DHX57: variants seen among roughly 807,000 people sequenced by gnomAD.
DHX57 encodes the protein putative ATP-dependent RNA helicase DHX57.
Under a neutral mutation model 156.2 loss-of-function variants are expected in DHX57, and 105 were observed. The ratio of observed to expected loss-of-function variants is 0.67; its 90% CI spans 0.57 to 0.79. DHX57 has a LOEUF of 0.79. DHX57 is among the 30% of genes least tolerant of loss of function. The pLI is 0.00. For synonymous variants in DHX57, 704 were observed against 595.6 expected (o/e 1.18, Z -2.65); for missense variants, 1,847 against 1,661.9 (o/e 1.11, Z -1.94).
chr2:38,841,249 C>T (rs538185338), intron 12 of DHX57, among the ~76,000 whole-genome samples: 1 of 152,192 alleles, frequency 6.6e-6, no homozygotes, highest in Non-Finnish European at 1.5e-5. Context: ...TGGATCTGCA[C>T]TTACTAGCTG....
intron 9 of DHX57, among the ~76,000 whole-genome samples, chr2:38,850,448 G>A (rs1382554997): frequency 6.6e-6 from 1 of 151,964 alleles, no homozygotes; most frequent in East Asian, 1.9e-4. Context: ...TTATAGTAGA[G>A]ATGGTGTCTC....
At chr2:38,832,776 G>A (rs1179385046) in intron 13 of DHX57, among the ~76,000 whole-genome samples, 1 of 151,868 alleles carries the variant, frequency 6.6e-6, no homozygotes, top group East Asian at 1.9e-4. Context: ...GACTTTAGGT[G>A]ATCCACCCAC....
At chr2:38,865,211 T>C (rs900619441) in intron 2 of DHX57, among the ~76,000 whole-genome samples, 4 of 152,220 alleles carry the variant, frequency 2.6e-5, no homozygotes, top group African/African-American at 9.6e-5. Flanking sequence ...AAGTCAAATC[T>C]CATCTTCAAT....
chr2:38,851,586 T>A (rs1475187914), intron 9 of DHX57, among the ~76,000 whole-genome samples: 2 of 152,278 alleles, frequency 1.3e-5, no homozygotes, highest in East Asian at 3.9e-4. Flanking sequence ...GATGTGAACA[T>A]CTTTTGAATT....
Position 38,813,822 on chromosome 2 carries a change from T to G in DHX57, c.3680A>C (p.Gln1227Pro), listed in dbSNP as rs1361614353. 5 of 1,613,574 alleles carry G rather than the reference T, an allele frequency of 3.1e-6. No individual in the cohort carries two copies. The highest frequency in any genetic ancestry group is 1.7e-4 in the Middle Eastern group (1 of 6,060). The stretch of plus-strand genomic sequence containing the variant: ...GATCTAGGAAAAATGTTTTGTTACC[T>G]GCACTACATTTGGATACAAAGCAGC... Reference protein sequence around the residue: ...LCAALYPNVVQVKSPEGKFQK... With the variant: ...LCAALYPNVVPVKSPEGKFQK... Residue 1227 changes from glutamine to proline, a missense_variant and splice_region_variant, in exon 21 of 24, where the codon CAG becomes CCG. Coordinates refer to ENST00000457308, the MANE Select transcript of DHX57 (RefSeq NM_198963.3).
rs144709469 is a variant in DHX57 at position 38,836,090 on chromosome 2, C to G, written c.2542+1741G>C. Among the ~76,000 whole-genome samples the G allele has an allele frequency of 1.4e-4, 22 of 152,288 alleles. No homozygotes were observed. The East Asian group carries it at 4.0e-3, about 28-fold the overall frequency. On this transcript the variant is annotated intron_variant, in intron 13 of 23. Transcript: ENST00000457308. The stretch of plus-strand genomic sequence containing the variant: ...CATTAGACAGTCTGGCAGAAAGACT[C>G]AAGACTGCTTTTAACTTCTATTATG...
intron 14 of DHX57, 92 bp downstream of exon 14, chr2:38,828,248 G>T: frequency 2.3e-6 from 2 of 880,282 alleles, no homozygotes; most frequent in South Asian, 1.9e-5. Context: ...TATGCTCGAA[G>T]ACTGGTGCTC....
intron 13 of DHX57, among the ~76,000 whole-genome samples, chr2:38,836,827 A>G (rs1404543375): frequency 2.6e-5 from 4 of 151,824 alleles, no homozygotes; most frequent in African/African-American, 9.7e-5. Flanking sequence ...TATGTAATAC[A>G]TATGACATAC....
At chr2:38,852,130 T>A (rs4641916) in intron 9 of DHX57, among the ~76,000 whole-genome samples, 1 of 151,492 alleles carries the variant, frequency 6.6e-6, no homozygotes, top group Non-Finnish European at 1.5e-5. Flanking sequence ...TATTTACTAA[T>A]AATAGTAATG....
intron 1 of DHX57, among the ~76,000 whole-genome samples, chr2:38,871,240 A>C (rs1013537498): frequency 2.2e-4 from 33 of 152,338 alleles, no homozygotes; most frequent in African/African-American, 7.7e-4. Context: ...ATATAAAATA[A>C]TATGTATATG....
chr2:38,840,882 G>A (rs986458922), intron 12 of DHX57, among the ~76,000 whole-genome samples: 2 of 152,136 alleles, frequency 1.3e-5, no homozygotes, highest in African/African-American at 2.4e-5. Flanking sequence ...GCACTAGTGC[G>A]ATCATAGCTC....
chr2:38,860,869 G>C, intron 5 of DHX57, 130 bp downstream of exon 5: 1 of 749,202 alleles, frequency 1.3e-6, no homozygotes, highest in East Asian at 2.5e-5. Flanking sequence ...ATTCCCTTTT[G>C]CCCTTGGGAC....
At chr2:38,819,228 G>A in intron 17 of DHX57, 84 bp from the exon 18 acceptor site, 3 of 1,295,098 alleles carry the variant, frequency 2.3e-6, no homozygotes, top group Non-Finnish European at 3.3e-6. Context: ...AGGCTGGAGT[G>A]CAGTGGTGCG....
intron 17 of DHX57, among the ~76,000 whole-genome samples, chr2:38,820,391 G>C (rs372140326): frequency 9.2e-4 from 139 of 151,784 alleles, no homozygotes; most frequent in African/African-American, 3.1e-3. Context: ...TCAGGGTCCA[G>C]AGTGCTCACC....
intron 23 of DHX57, among the ~76,000 whole-genome samples, chr2:38,798,677 G>A (rs1669510728): frequency 6.6e-6 from 1 of 152,242 alleles, no homozygotes; most frequent in Admixed American, 6.5e-5. Context: ...CAGGCGCAGT[G>A]GCTCACGCCT....
intron 21 of DHX57, among the ~76,000 whole-genome samples, chr2:38,807,093 C>G (rs1446799241): frequency 6.6e-6 from 1 of 151,426 alleles, no homozygotes; most frequent in Non-Finnish European, 1.5e-5. Flanking sequence ...CTCACTCTGT[C>G]TCTCAGGCCA....
At chr2:38,801,611 TGAGATG>T (rs1382674360) in intron 23 of DHX57, among the ~76,000 whole-genome samples, 5 of 151,672 alleles carry the variant, frequency 3.3e-5, no homozygotes, top group African/African-American at 1.2e-4. Context: ...TTCATTTTTT[TGAGATG>T]GAGTTTCCCT....
intron 2 of DHX57, among the ~76,000 whole-genome samples, chr2:38,865,377 A>T (rs982479599): frequency 6.6e-6 from 1 of 152,046 alleles, no homozygotes; most frequent in African/African-American, 2.4e-5. Flanking sequence ...CTTGGCTCTC[A>T]TTCTTCTTTC....
At chr2:38,854,277 G>C in intron 8 of DHX57, 99 bp from the exon 9 acceptor site, 2 of 1,243,506 alleles carry the variant, frequency 1.6e-6, no homozygotes, top group East Asian at 2.7e-5. Context: ...AAAAAATATT[G>C]GAAACACCAG....
Sources: allele counts gnomAD v4.1 joint callset (sites outside exome capture counted in the v4.1 genomes callset), GRCh38; gene constraint gnomAD v4.1.1; transcripts MANE v1.5; gene names NCBI Gene and HGNC (gene_info 2026-07-23, HGNC 2026-07-21).